HHIPL1: variants seen among roughly 807,000 people sequenced by gnomAD.
The protein encoded by HHIPL1 is HHIP like 1, also known as HHIP-like protein 1.
In HHIPL1, 43 loss-of-function variants were observed where a neutral mutation model predicts 61.8. That is an observed-to-expected ratio of 0.70 (90% CI 0.55 to 0.90). The LOEUF (loss-of-function observed/expected upper bound fraction) is 0.90, where lower values mean the gene tolerates loss of function less well. Among genes scored for constraint, HHIPL1 ranks in the 40% least tolerant of loss-of-function variants. The pLI is 0.00. For missense variants in HHIPL1, 1,056 were observed against 1,157.7 expected (o/e 0.91, Z 1.28); for synonymous variants, 482 against 515.8 (o/e 0.93, Z 0.89).
rs1023259234 is a variant in HHIPL1, at chr14:99,668,662, C to T, written c.1730+359C>T. ...TTCCTCATTTCCTGGGCTGCCCCTG[C>T]ACCCCCACACCCCAGCCCCCAATTT... On this transcript the variant is annotated intron_variant, in intron 7 of 8. Transcript: ENST00000330710. This position sits in a 1 kb window ranked among gnomAD's most constrained non-coding sequence, Gnocchi z 4.7. Among the ~76,000 whole-genome samples the T allele has an allele frequency of 4.0e-5, 6 of 150,864 alleles. No homozygotes were observed. Among genetic ancestry groups the T allele is most frequent in the South Asian group, 2.1e-4 (1 of 4,746 alleles).
In HHIPL1 at chr14:99,645,245, G is replaced by T; in HGVS notation, c.38G>T (p.Trp13Leu). Residue 13 changes from tryptophan (W) to leucine (L), a missense_variant, in exon 1 of 9, where the codon TGG becomes TTG. By Grantham distance (61) the Trp-to-Leu change is moderately conservative (BLOSUM62 -2). Transcript: ENST00000330710. Reference sequence around the variant, plus strand: ...AGGGCCGGGGCGCTGCTGGCGCTTTGGGTGCTCGGGGCCGCCGCGCATCCG... The same window carrying T: ...AGGGCCGGGGCGCTGCTGGCGCTTTTGGTGCTCGGGGCCGCCGCGCATCCG... ...RARAGALLALWVLGAAAHPQC... is the reference protein window; with the variant it reads ...RARAGALLALLVLGAAAHPQC... 7.3e-7 allele frequency: 1 copy of T among 1,365,542 alleles called. No homozygotes were observed. 84.6% of individuals were successfully genotyped at this position (1,365,542 alleles called of 1,614,324 possible).
chr14:99,608,778 G>A, the HHIPL1 span, among the ~76,000 whole-genome samples: 1 of 152,162 alleles, frequency 6.6e-6, no homozygotes, highest in Non-Finnish European at 1.5e-5. Context: ...TCACTGATGC[G>A]GTAAGAACCC....
chr14:99,652,554 C>G lies in HHIPL1; in HGVS notation c.586C>G (p.Pro196Ala). The G allele has an allele frequency of 6.2e-7, 1 of 1,613,116 alleles. No individual in the cohort carries two copies. The change falls in exon 2 of 9, where the codon CCC becomes GCC. Residue 196 changes from proline (P) to alanine (A), a missense_variant. Pro to Ala is a conservative substitution (Grantham distance 27, BLOSUM62 -1). Transcript: ENST00000330710. ...LEEVANGLRN[P>A]VAMVHARDGT... ...GGAGGTGGCCAACGGGCTGCGCAAC[C>G]CCGTGGCCATGGTCCATGCCAGGGA... is the stretch of plus-strand genomic sequence containing the variant.
the HHIPL1 span, among the ~76,000 whole-genome samples, chr14:99,622,292 G>C: frequency 6.6e-6 from 1 of 152,128 alleles, no homozygotes. Context: ...GAGATCTGTG[G>C]CCCATCCTTA....
chr14:99,613,420 G>A, the HHIPL1 span, among the ~76,000 whole-genome samples: 2 of 151,518 alleles, frequency 1.3e-5, no homozygotes, highest in East Asian at 4.0e-4. Flanking sequence ...CGACCTCCTG[G>A]GCTCAAGCAA....
At chr14:99,640,877 CTTTTTTTTTTTTT>C (rs59137552), upstream of HHIPL1, among the ~76,000 whole-genome samples, 1 of 69,872 alleles carries the variant, frequency 1.4e-5, no homozygotes, top group South Asian at 6.0e-4. Flanking sequence ...ACTTCTTCTT[CTTTTTTTTTTTTT>C]TTTTTTTTTT....
At chr14:99,642,700 A>AT (rs1249422002), upstream of HHIPL1, among the ~76,000 whole-genome samples, 2 of 151,542 alleles carry the variant, frequency 1.3e-5, no homozygotes, top group African/African-American at 4.8e-5. Flanking sequence ...TAAATTTTGT[A>AT]TTTTTAGTAG....
chr14:99,656,012 C>T (rs1362667733), intron 2 of HHIPL1, among the ~76,000 whole-genome samples: 11 of 152,186 alleles, frequency 7.2e-5, no homozygotes, highest in Non-Finnish European at 1.5e-5. Context: ...AAACTGGAAG[C>T]CAGCTGGCTG....
At position 99,652,809 on chromosome 14, in the gene HHIPL1, C is replaced by T. The variant is rs200941640; in HGVS notation, c.841C>T (p.Arg281Cys). The change falls in exon 2 of 9, where the codon CGC (arginine) becomes TGC (cysteine). Residue 281 changes from arginine (R) to cysteine (C), a missense_variant. Transcript: ENST00000330710. ...GGGTATCCGCAGCAGTGAGTGGATC[C>T]GCATCAGCGAGTTCAGAGTCTCCGA... ...SVGIRSSEWI[R>C]ISEFRVSEDD... 11 of 1,613,982 alleles carry T rather than the reference C, an allele frequency of 6.8e-6. No individual in the cohort carries two copies. Among genetic ancestry groups the T allele is most frequent in the East Asian group, 2.2e-5 (1 of 44,902 alleles).
At chr14:99,656,831 GA>G in intron 2 of HHIPL1, among the ~76,000 whole-genome samples, 168 bp from the exon 3 acceptor site, 8 of 3,658 alleles carry the variant, frequency 2.2e-3, no homozygotes, top group African/African-American at 2.9e-3. Flanking sequence ...AAGAAAGAAA[GA>G]AAGAAAGGAA....
chr14:99,606,218 C>T, the HHIPL1 span, among the ~76,000 whole-genome samples: 1 of 152,270 alleles, frequency 6.6e-6, no homozygotes, highest in East Asian at 1.9e-4. Flanking sequence ...AGGCCCTGCC[C>T]AAGAGAACCA....
chr14:99,606,924 A>G, the HHIPL1 span, among the ~76,000 whole-genome samples: 1 of 147,462 alleles, frequency 6.8e-6, no homozygotes, highest in East Asian at 2.2e-4. Flanking sequence ...CCCCTCCCGG[A>G]GGGCCCATAT....
intron 3 of HHIPL1, among the ~76,000 whole-genome samples, chr14:99,657,966 C>T (rs983482903): frequency 3.3e-5 from 5 of 152,140 alleles, no homozygotes; most frequent in Non-Finnish European, 5.9e-5. Context: ...CATACCTTCA[C>T]ACACATACAT....
In HHIPL1 at chr14:99,660,134, CCCTGCTGTGGG is replaced by C; in HGVS notation, c.1376-144_1376-134del. On this transcript the variant is annotated intron_variant, in intron 4 of 8. Coordinates refer to ENST00000330710, the MANE Select transcript of HHIPL1 (RefSeq NM_001127258.3). This position sits in a 1 kb window ranked among gnomAD's most constrained non-coding sequence, Gnocchi z 4.9. ...GCAGACACGCTTTCCACCACGCCAG[CCCTGCTGTGGG>C]CACGCCAGCCCTGCTGTGGGCACGC... The C allele has an allele frequency of 5.7e-6, 4 of 706,622 alleles. No individual in the cohort carries two copies. Among genetic ancestry groups the C allele is most frequent in the South Asian group, 2.5e-5 (1 of 39,668 alleles). 43.8% of individuals were successfully genotyped at this position (706,622 alleles called of 1,614,324 possible).
At position 99,662,878 on chromosome 14, in the gene HHIPL1, G is replaced by A. The variant is rs371368154; in HGVS notation, c.1505G>A (p.Arg502His). 93 of 1,593,766 alleles carry A rather than the reference G, an allele frequency of 5.8e-5. No homozygotes were observed. The highest frequency in any genetic ancestry group is 1.0e-4 in the South Asian group (9 of 87,162). ...TCACAGCTCATCTTCCTTTGCAGGC[G>A]TCTGATGTCCCTCCAAGAGAACCCA... The part of the protein sequence containing the change: ...LYIFGDFMSG[R>H]LMSLQENPGT... The change falls in exon 6 of 9, where the codon CGT becomes CAT. Residue 502 changes from arginine to histidine, a missense_variant and splice_region_variant. Physicochemically the swap from Arg to His is conservative, Grantham distance 29 (BLOSUM62 0). Coordinates refer to ENST00000330710, the MANE Select transcript of HHIPL1 (RefSeq NM_001127258.3).
the HHIPL1 span, among the ~76,000 whole-genome samples, chr14:99,629,442 C>T: frequency 3.3e-5 from 5 of 151,914 alleles, no homozygotes; most frequent in East Asian, 5.8e-4. Context: ...ACCTGGGAGG[C>T]GGGGGCAGGG....
At position 99,679,523 on chromosome 14, in the gene HHIPL1, G is replaced by T. The variant is rs1024262225; in HGVS notation, c.*3897G>T. The T allele has an allele frequency of 6.6e-6, 1 of 152,302 alleles. No homozygotes were observed. Among genetic ancestry groups the T allele is most frequent in the East Asian group, 1.9e-4 (1 of 5,194 alleles). 9.4% of individuals were successfully genotyped at this position (152,302 alleles called of 1,614,324 possible). On this transcript the variant is annotated 3_prime_UTR_variant, in exon 9 of 9. Transcript: ENST00000330710. ...GACTGTGTTCAAGACATCAGTCAGA[G>T]GTCACAACATCCCAGGCCCTAGACT...
chr14:99,660,336 G>T lies in HHIPL1; in HGVS notation c.1432G>T (p.Gly478Cys). The T allele has an allele frequency of 3.7e-6, 6 of 1,614,102 alleles. No individual in the cohort carries two copies. Among genetic ancestry groups the T allele is most frequent in the Non-Finnish European group, 5.1e-6 (6 of 1,179,990 alleles). ...CACGGTTGGCAAGTCGGTCACAGGG[G>T]GCTACGTGTACCGGGGCTGCGAGTA... ...PHTVGKSVTG[G>C]YVYRGCEYPN... is the part of the protein sequence containing the mutation. The change falls in exon 5 of 9, where the codon GGC (glycine) becomes TGC (cysteine). Residue 478 changes from glycine (G) to cysteine (C), a missense_variant. Coordinates refer to ENST00000330710, the MANE Select transcript of HHIPL1 (RefSeq NM_001127258.3). The surrounding 1 kb of genome is among the most constrained non-coding windows in gnomAD (Gnocchi z 4.9).
the HHIPL1 span, among the ~76,000 whole-genome samples, chr14:99,617,355 G>C: frequency 6.6e-6 from 1 of 152,196 alleles, no homozygotes; most frequent in Admixed American, 6.5e-5. Flanking sequence ...GGAGGCGGGA[G>C]TGGGAGGGTT....
Sources: allele counts gnomAD v4.1 joint callset (sites outside exome capture counted in the v4.1 genomes callset), GRCh38; gene constraint gnomAD v4.1.1; non-coding constraint Gnocchi (gnomAD v3.1); transcripts MANE v1.5; gene names NCBI Gene and HGNC (gene_info 2026-07-23, HGNC 2026-07-21).